The following TMEFF2 variants were observed in gnomAD, a reference collection of about 807,000 sequenced individuals.
TMEFF2 encodes the protein tomoregulin-2.
TMEFF2 carries 28 observed loss-of-function variants against 53.8 expected under a neutral mutation model. The observed-to-expected ratio is 0.52, with a 90% CI of 0.39 to 0.71. The LOEUF is 0.71. TMEFF2 is among the 30% of genes least tolerant of loss of function. The probability of loss-of-function intolerance (pLI) is 0.00; values close to 1 mark genes in which losing one functional copy is unlikely to be tolerated. For synonymous variants in TMEFF2, 162 were observed against 166.3 expected (o/e 0.97, Z 0.20); for missense variants, 353 against 455.2 (o/e 0.78, Z 2.04).
In TMEFF2 at chr2:191,956,471, G is replaced by T. The variant is rs934428298; in HGVS notation, c.746-93C>A. ...AAGAAGCAAAGCTATGGTAGGCAAA[G>T]ATATTTAAAAGGGCAAGAACTAAAG... On this transcript the variant is annotated intron_variant, in intron 7 of 9. Transcript: ENST00000272771. 41 of 1,387,688 alleles carry T rather than the reference G, an allele frequency of 3.0e-5. No homozygotes were observed. In the South Asian group the frequency reaches 6.2e-4, roughly 21 times the overall value. The allele number at this position is 1,387,688 out of a possible 1,614,324, so 86.0% of individuals were successfully genotyped here.
intron 4 of TMEFF2, among the ~76,000 whole-genome samples, chr2:192,111,610 G>A (rs1334658010): frequency 6.6e-6 from 1 of 152,192 alleles, no homozygotes; most frequent in Non-Finnish European, 1.5e-5. Context: ...ATTTTCTGAG[G>A]AGAAATTCAA....
intron 9 of TMEFF2, 119 bp from the exon 10 acceptor site, chr2:191,950,526 T>C: frequency 7.3e-7 from 1 of 1,377,290 alleles, no homozygotes; most frequent in Non-Finnish European, 1.0e-6. Flanking sequence ...GATGAAAGAA[T>C]TTATCATTAG....
At chr2:192,081,657 T>G (rs1324145066) in intron 4 of TMEFF2, among the ~76,000 whole-genome samples, 1 of 152,198 alleles carries the variant, frequency 6.6e-6, no homozygotes, top group East Asian at 1.9e-4. Context: ...GTTATTATTT[T>G]CTGTTTGCTT....
intron 5 of TMEFF2, among the ~76,000 whole-genome samples, chr2:192,026,424 C>CT (rs1686972360): frequency 6.6e-6 from 1 of 152,144 alleles, no homozygotes; most frequent in Non-Finnish European, 1.5e-5. Flanking sequence ...TGCGCATCAT[C>CT]GTTATCATCC....
rs577315257 is a variant in TMEFF2, at chr2:192,045,580, T to A, written c.536+12099A>T. Among the ~76,000 whole-genome samples the A allele has an allele frequency of 1.8e-4, 28 of 152,302 alleles. No homozygotes were observed. In the East Asian group the frequency reaches 5.2e-3, roughly 28 times the overall value. On this transcript the variant is annotated intron_variant, in intron 5 of 9. Coordinates refer to ENST00000272771, the MANE Select transcript of TMEFF2 (RefSeq NM_016192.4). ...CAGCTTCTTTCTCCAGCCAACCCTGTTCATTGCCCAATGGGCTCATGAACA... is the reference window on the plus strand; with the variant it reads ...CAGCTTCTTTCTCCAGCCAACCCTGATCATTGCCCAATGGGCTCATGAACA...
Position 192,194,247 on chromosome 2 carries a change from T to G in TMEFF2, c.172+106A>C. ...GGGTGGTATTAGGGGTCTAGGGCAG[T>G]AGGAGGTGAGGGGCTGAGGAGGCGC... On this transcript the variant is annotated intron_variant, in intron 1 of 9. Transcript: ENST00000272771. This position sits in a 1 kb window ranked among gnomAD's most constrained non-coding sequence, Gnocchi z 4.2. 1 of 1,329,724 alleles carries G rather than the reference T, an allele frequency of 7.5e-7. No individual in the cohort carries two copies. Among genetic ancestry groups the G allele is most frequent in the Non-Finnish European group, 1.1e-6 (1 of 945,064 alleles). The allele number at this position is 1,329,724 out of a possible 1,614,324, so 82.4% of individuals were successfully genotyped here. A position where few individuals can be genotyped will look rare whatever the true frequency, so the allele number is the denominator to read the frequency against.
intron 9 of TMEFF2, 75 bp from the exon 10 acceptor site, chr2:191,950,482 A>G: frequency 6.3e-7 from 1 of 1,576,644 alleles, no homozygotes; most frequent in Non-Finnish European, 8.7e-7. Context: ...CACAGAATAA[A>G]GATGTGGATT....
chr2:192,081,053 T>C (rs1018078273), intron 4 of TMEFF2, among the ~76,000 whole-genome samples: 22 of 152,232 alleles, frequency 1.4e-4, no homozygotes, highest in African/African-American at 5.3e-4. Context: ...TTTTTTGTTA[T>C]GACAGTGATC....
chr2:192,118,763 C>G (rs1376538325), intron 4 of TMEFF2, among the ~76,000 whole-genome samples: 2 of 152,164 alleles, frequency 1.3e-5, no homozygotes, highest in African/African-American at 4.8e-5. Context: ...TAGACCTGAG[C>G]TGTCCAGATA....
intron 5 of TMEFF2, among the ~76,000 whole-genome samples, chr2:192,026,532 C>A (rs949369090): frequency 6.6e-6 from 1 of 152,164 alleles, no homozygotes; most frequent in Non-Finnish European, 1.5e-5. Flanking sequence ...GAAATTAGCA[C>A]ACATCCTGTC....
chr2:192,166,175 T>C (rs1574429088), intron 4 of TMEFF2, among the ~76,000 whole-genome samples: 1 of 152,148 alleles, frequency 6.6e-6, no homozygotes, highest in African/African-American at 2.4e-5. Context: ...TTTGAATTTT[T>C]CTCCCTTTCC....
chr2:192,078,845 C>T (rs1472640035), intron 4 of TMEFF2, among the ~76,000 whole-genome samples: 1 of 152,146 alleles, frequency 6.6e-6, no homozygotes, highest in Non-Finnish European at 1.5e-5. Flanking sequence ...TCTGATACAG[C>T]CCTCTTCCAG....
chr2:192,192,434 C>T (rs902719262), intron 1 of TMEFF2, among the ~76,000 whole-genome samples: 2 of 152,066 alleles, frequency 1.3e-5, no homozygotes, highest in Admixed American at 6.5e-5. Context: ...GCTTCAACGA[C>T]TGAAACAACC....
chr2:192,024,569 G>A (rs1043949489), intron 5 of TMEFF2, among the ~76,000 whole-genome samples: 1 of 152,140 alleles, frequency 6.6e-6, no homozygotes, highest in African/African-American at 2.4e-5. Flanking sequence ...AGTGTGCATA[G>A]CAGGCACATT....
chr2:192,080,671 G>C (rs1164556616), intron 4 of TMEFF2, among the ~76,000 whole-genome samples: 1 of 152,106 alleles, frequency 6.6e-6, no homozygotes, highest in Non-Finnish European at 1.5e-5. Flanking sequence ...TAAATGACCA[G>C]TTTGATGTCT....
intron 7 of TMEFF2, among the ~76,000 whole-genome samples, chr2:191,960,584 G>A (rs188041949): frequency 9.2e-5 from 14 of 152,208 alleles, no homozygotes; most frequent in African/African-American, 2.6e-4. Context: ...AGGCCTTTGG[G>A]GGCTGGTCAA....
At chr2:191,970,088 GA>G (rs1413020544) in intron 7 of TMEFF2, among the ~76,000 whole-genome samples, 1 of 152,114 alleles carries the variant, frequency 6.6e-6, no homozygotes, top group Non-Finnish European at 1.5e-5. Flanking sequence ...CATTGAATGT[GA>G]TAATGCTGCC....
At chr2:192,136,661 T>G (rs957567412) in intron 4 of TMEFF2, among the ~76,000 whole-genome samples, 4 of 152,130 alleles carry the variant, frequency 2.6e-5, no homozygotes, top group Non-Finnish European at 5.9e-5. Flanking sequence ...ATTCCTTCCC[T>G]TCTTCCTCTC....
chr2:192,001,210 A>G (rs1196536467), intron 5 of TMEFF2, among the ~76,000 whole-genome samples: 4 of 152,288 alleles, frequency 2.6e-5, no homozygotes, highest in African/African-American at 4.8e-5. Flanking sequence ...GGTCTTCTAT[A>G]AAGTTGTTTG....
Sources: allele counts gnomAD v4.1 joint callset (sites outside exome capture counted in the v4.1 genomes callset), GRCh38; gene constraint gnomAD v4.1.1; non-coding constraint Gnocchi (gnomAD v3.1); transcripts MANE v1.5; gene names NCBI Gene and HGNC (gene_info 2026-07-23, HGNC 2026-07-21).